The following MAGI3 variants were observed in gnomAD, a reference collection of about 807,000 sequenced individuals.
MAGI3 encodes the protein membrane associated guanylate kinase, WW and PDZ domain containing 3, also known as membrane-associated guanylate kinase, WW and PDZ domain-containing protein 3.
MAGI3 carries 43 observed loss-of-function variants against 121.8 expected under a neutral mutation model. The ratio of observed to expected loss-of-function variants is 0.35; its 90% CI spans 0.28 to 0.46. The LOEUF is 0.46. MAGI3 is among the 20% of genes least tolerant of loss of function. The pLI is 1.00. For synonymous variants in MAGI3, 553 were observed against 639.3 expected, an observed-to-expected ratio of 0.86 and a Z score of 2.04; for missense variants, 1,547 against 1,797.3, an observed-to-expected ratio of 0.86 and a Z score of 2.52.
chr1:113,659,623 A>T (rs1489303307), intron 16 of MAGI3, among the ~76,000 whole-genome samples: 1 of 152,166 alleles, frequency 6.6e-6, no homozygotes, highest in African/African-American at 2.4e-5. Flanking sequence ...AGTTCAAAGA[A>T]AGTCACTGTT....
At chr1:113,514,409 A>G (rs1303382690) in intron 1 of MAGI3, among the ~76,000 whole-genome samples, 3 of 152,168 alleles carry the variant, frequency 2.0e-5, no homozygotes, top group African/African-American at 7.2e-5. Flanking sequence ...GATTAAGAAA[A>G]TGTGGCACAT....
At chr1:113,538,221 G>C (rs190088999) in intron 1 of MAGI3, among the ~76,000 whole-genome samples, 12 of 152,162 alleles carry the variant, frequency 7.9e-5, no homozygotes, top group African/African-American at 2.9e-4. Context: ...CCTTTCAGCT[G>C]TCTCTTTATT....
chr1:113,428,239 G>A (rs1653116515), intron 1 of MAGI3, among the ~76,000 whole-genome samples: 1 of 152,124 alleles, frequency 6.6e-6, no homozygotes, highest in Non-Finnish European at 1.5e-5. Flanking sequence ...GATACTCTTT[G>A]TTTTCTTCTA....
intron 1 of MAGI3, among the ~76,000 whole-genome samples, chr1:113,496,913 T>C (rs1249145944): frequency 2.6e-5 from 4 of 152,194 alleles, no homozygotes; most frequent in Admixed American, 6.5e-5. Context: ...ATAAAATGCA[T>C]TATATTGCCT....
intron 1 of MAGI3, among the ~76,000 whole-genome samples, chr1:113,468,433 T>C (rs1005750841): frequency 5.3e-5 from 8 of 152,312 alleles, no homozygotes; most frequent in East Asian, 1.9e-4. Context: ...TTTAAAGAGA[T>C]GACAACTTAT....
At chr1:113,431,185 G>A (rs1653281831) in intron 1 of MAGI3, among the ~76,000 whole-genome samples, 1 of 152,140 alleles carries the variant, frequency 6.6e-6, no homozygotes, top group Non-Finnish European at 1.5e-5. Context: ...TGGCATGGTG[G>A]TGTATGCCTA....
chr1:113,549,614 A>T lies in MAGI3; in HGVS notation c.416A>T (p.Tyr139Phe), dbSNP rs200830696. ...KLQQVIRDNL[Y>F]LRTIPCTTRA... ...CAGCAAGTGATCAGAGATAATCTCTACTTGAGAACCATTCCATGTAAGTAT... is the reference window on the plus strand; with the variant it reads ...CAGCAAGTGATCAGAGATAATCTCTTCTTGAGAACCATTCCATGTAAGTAT... The change falls in exon 2 of 21, where the codon TAC becomes TTC. Residue 139 changes from tyrosine to phenylalanine, a missense_variant. Tyr to Phe is a conservative substitution (Grantham distance 22). Transcript: ENST00000307546. 6.3e-7 allele frequency: 1 copy of T among 1,585,706 alleles called. No homozygotes were observed.
At chr1:113,548,119 T>C (rs1659619145) in intron 1 of MAGI3, among the ~76,000 whole-genome samples, 1 of 152,254 alleles carries the variant, frequency 6.6e-6, no homozygotes, top group Admixed American at 6.5e-5. Flanking sequence ...AAAAATTAGC[T>C]GATCAATAGT....
At position 113,458,442 on chromosome 1, in the gene MAGI3, C is replaced by T. The variant is rs539472256; in HGVS notation, c.316+67093C>T. On this transcript the variant is annotated intron_variant, in intron 1 of 20. Transcript: ENST00000307546. ...GGCTGTGTTAACTCTCAGTATCCCCCGGAAGTCATTATTATCATTTGCCAT... is the reference window on the plus strand; with the variant it reads ...GGCTGTGTTAACTCTCAGTATCCCCTGGAAGTCATTATTATCATTTGCCAT... Among the ~76,000 whole-genome samples the T allele has an allele frequency of 8.5e-5, 13 of 152,214 alleles. No homozygotes were observed. In the East Asian group the frequency reaches 1.5e-3, roughly 18 times the overall value.
intron 7 of MAGI3, among the ~76,000 whole-genome samples, chr1:113,616,097 TA>T (rs1650444060): frequency 6.6e-6 from 1 of 152,206 alleles, no homozygotes. Context: ...TTGCCTGTTA[TA>T]AAACCTTGAG....
At chr1:113,645,020 G>A (rs1295324534) in intron 11 of MAGI3, among the ~76,000 whole-genome samples, 1 of 125,218 alleles carries the variant, frequency 8.0e-6, no homozygotes, top group Non-Finnish European at 1.6e-5. Flanking sequence ...TCAGCTTCTG[G>A]CCTTTTTTTT....
chr1:113,539,790 C>CTTT (rs1164684531), intron 1 of MAGI3, among the ~76,000 whole-genome samples: 2 of 137,472 alleles, frequency 1.5e-5, no homozygotes, highest in African/African-American at 2.7e-5. Context: ...TGAAGCATTA[C>CTTT]TTTTTTTTTT....
chr1:113,633,237 C>CTTT lies in MAGI3; in HGVS notation c.1361-8674_1361-8673insTTT, dbSNP rs1359169220. ...GTCCCTACAAAGGACATGAACTCAT[C>CTTT]ATTTTTTTTTTTTTTTTTTTTTTTT... On this transcript the variant is annotated intron_variant, in intron 9 of 20. Transcript: ENST00000307546. 2.4e-4 allele frequency among the ~76,000 whole-genome samples: 22 copies of CTTT among 91,960 alleles called. 1 individual carries two copies. The highest frequency in any genetic ancestry group is 7.0e-4 in the African/African-American group (17 of 24,208). 60.3% of individuals were successfully genotyped at this position (91,960 alleles called of 152,430 possible).
intron 1 of MAGI3, among the ~76,000 whole-genome samples, chr1:113,542,660 G>C (rs1659344597): frequency 6.6e-6 from 1 of 152,184 alleles, no homozygotes; most frequent in Admixed American, 6.5e-5. Flanking sequence ...TCATGGAAAA[G>C]TAGGCTGTTA....
At chr1:113,530,461 G>A (rs889119426) in intron 1 of MAGI3, among the ~76,000 whole-genome samples, 4 of 151,998 alleles carry the variant, frequency 2.6e-5, no homozygotes, top group Non-Finnish European at 4.4e-5. Context: ...TAGAGGGTGG[G>A]AGGAGGGAGA....
Position 113,550,771 on chromosome 1 carries a change from A to G in MAGI3, c.433+1140A>G, listed in dbSNP as rs950703078. 3.3e-5 allele frequency among the ~76,000 whole-genome samples: 5 copies of G among 150,300 alleles called. 1 individual carries two copies. The highest frequency in any genetic ancestry group is 2.6e-4 in the Admixed American group (4 of 15,144). ...GACCCTCAACTCAAAAAAAAAAAAG[A>G]AAAAAACGAAAAAAAATATATATAT... On this transcript the variant is annotated intron_variant, in intron 2 of 20. Transcript: ENST00000307546.
chr1:113,431,569 A>T (rs1653300560), intron 1 of MAGI3, among the ~76,000 whole-genome samples: 1 of 152,198 alleles, frequency 6.6e-6, no homozygotes, highest in South Asian at 2.1e-4. Context: ...AAAAATAAAT[A>T]GTATTTAAGT....
intron 16 of MAGI3, among the ~76,000 whole-genome samples, chr1:113,660,491 C>T (rs919776889): frequency 1.3e-5 from 2 of 152,036 alleles, no homozygotes; most frequent in Non-Finnish European, 2.9e-5. Flanking sequence ...AACCGCAACT[C>T]CCATAGCACC....
chr1:113,574,018 CT>C (rs567525647), intron 2 of MAGI3, among the ~76,000 whole-genome samples: 2 of 150,340 alleles, frequency 1.3e-5, no homozygotes, highest in African/African-American at 4.9e-5. Context: ...CAACCCCTGC[CT>C]TTTTTTTTCT....
Sources: allele counts gnomAD v4.1 joint callset (sites outside exome capture counted in the v4.1 genomes callset), GRCh38; gene constraint gnomAD v4.1.1; transcripts MANE v1.5; gene names NCBI Gene and HGNC (gene_info 2026-07-23, HGNC 2026-07-21).